Variants in AJM1 observed in about 807,000 individuals in gnomAD.
The protein encoded by AJM1 is apical junction component 1 homolog, also known as uncharacterized protein C9orf172.
In AJM1, 22 loss-of-function variants were observed where a neutral mutation model predicts 43.0. The ratio of observed to expected loss-of-function variants is 0.51; its 90% CI spans 0.37 to 0.73. AJM1 has a LOEUF of 0.73. AJM1 is among the 30% of genes least tolerant of loss of function. AJM1 has a pLI of 0.00. For synonymous variants in AJM1, 719 were observed against 638.3 expected (o/e 1.13, Z -1.91); for missense variants, 1,305 against 1,343.3 (o/e 0.97, Z 0.45).
intron 1 of AJM1, among the ~76,000 whole-genome samples, 138 bp downstream of exon 1, chr9:136,842,727 GGGCAA>G (rs914593733): frequency 4.6e-5 from 7 of 152,192 alleles, no homozygotes; most frequent in South Asian, 2.1e-4. Context: ...CTCCCAGCCA[GGGCAA>G]GGCAAGGCAA....
Position 136,845,745 on chromosome 9 carries a change from A to C in AJM1, c.1331A>C (p.His444Pro), listed in dbSNP as rs761015315. ...SPPRLATDSRHYSRSWDNILA... is the reference protein window; with the variant it reads ...SPPRLATDSRPYSRSWDNILA... ...CCCCGGCTGGCCACCGACAGCCGCC[A>C]CTACTCGCGCTCCTGGGACAACATT... The change falls in exon 3 of 3, where the codon CAC (histidine) becomes CCC (proline). Residue 444 changes from histidine (H) to proline (P), a missense_variant. This residue lies in a region of AJM1 where 653 missense variants were observed against 549.1 expected (regional missense o/e 1.19). Transcript: ENST00000436881. The C allele has an allele frequency of 1.3e-6, 2 of 1,578,164 alleles. No homozygotes were observed. Among genetic ancestry groups the C allele is most frequent in the Non-Finnish European group, 1.7e-6 (2 of 1,170,456 alleles).
At position 136,845,610 on chromosome 9, in the gene AJM1, C is replaced by T. The variant is rs763080457; in HGVS notation, c.1196C>T (p.Pro399Leu). The change falls in exon 3 of 3, where the codon CCG (proline) becomes CTG (leucine). Residue 399 changes from proline to leucine, a missense_variant. Pro to Leu is a moderately conservative substitution (Grantham distance 98, BLOSUM62 -3). Coordinates refer to ENST00000436881, the MANE Select transcript of AJM1 (RefSeq NM_001080482.5). ...ACGTACCCGCACCCGCGCAGCAGCC[C>T]GGCCTGGGCGGACTGGGGCCCGCGA... is the stretch of plus-strand genomic sequence containing the variant. ...ARTYPHPRSSPAWADWGPRPY... is the reference protein window; with the variant it reads ...ARTYPHPRSSLAWADWGPRPY... 8 of 1,581,130 alleles carry T rather than the reference C, an allele frequency of 5.1e-6. No homozygotes were observed. In the East Asian group the frequency reaches 9.2e-5, roughly 18 times the overall value.
In AJM1 at chr9:136,845,999, G is replaced by C. The variant is rs1848769373; in HGVS notation, c.1585G>C (p.Val529Leu). Reference sequence around the variant, plus strand: ...CGAGGGCCTGGGCCGCAACTGGTACGTGACGCCCGAGATCACCATCACTGA... The same window carrying C: ...CGAGGGCCTGGGCCGCAACTGGTACCTGACGCCCGAGATCACCATCACTGA... ...AGEGLGRNWY[V>L]TPEITITDND... The change falls in exon 3 of 3, where the codon GTG becomes CTG. Residue 529 changes from valine (V) to leucine (L), a missense_variant. Val to Leu is a conservative substitution (Grantham distance 32, BLOSUM62 1). Around this residue, in one of 6 missense-constraint regions of AJM1, gnomAD observed 653 missense variants for 549.1 expected, o/e 1.19. Coordinates refer to ENST00000436881, the MANE Select transcript of AJM1 (RefSeq NM_001080482.5). 3 of 1,551,538 alleles carry C rather than the reference G, an allele frequency of 1.9e-6. No homozygotes were observed. Among genetic ancestry groups the C allele is most frequent in the Non-Finnish European group, 1.7e-6 (2 of 1,149,236 alleles).
Position 136,846,099 on chromosome 9 carries a change from C to A in AJM1, c.1685C>A (p.Pro562His). 1.3e-6 allele frequency: 2 copies of A among 1,529,066 alleles called. No individual in the cohort carries two copies. The highest frequency in any genetic ancestry group is 1.8e-6 in the Non-Finnish European group (2 of 1,142,618). The allele number at this position is 1,529,066 out of a possible 1,614,324, so 94.7% of individuals were successfully genotyped here. Residue 562 changes from proline (P) to histidine (H), a missense_variant, in exon 3 of 3, where the codon CCC becomes CAC. Transcript: ENST00000436881. ...ELPGGRTRPP[P>H]HAAPDGPTSG... The stretch of plus-strand genomic sequence containing the variant: ...CCCGGGGGCCGCACGCGGCCACCTC[C>A]CCACGCGGCCCCCGACGGCCCCACC...
At position 136,842,597 on chromosome 9, in the gene AJM1, G is replaced by T. The variant is rs1564376615; in HGVS notation, c.-144+8G>T. Among the ~76,000 whole-genome samples, 1 of 152,232 alleles carries T rather than the reference G, an allele frequency of 6.6e-6. No homozygotes were observed. The highest frequency in any genetic ancestry group is 1.9e-4 in the East Asian group (1 of 5,196). On this transcript the variant is annotated splice_region_variant and intron_variant, in intron 1 of 2. Transcript: ENST00000436881. The stretch of plus-strand genomic sequence containing the variant: ...AGCCAGAGCAGCACCCAGGTAAGGG[G>T]CTAGGGGCCGAGTTGCTGAGTGTGT...
rs751281824 is a variant in AJM1 at position 136,847,301 on chromosome 9, C to T, written c.2887C>T (p.Leu963Phe). The T allele has an allele frequency of 1.2e-5, 19 of 1,546,890 alleles. No homozygotes were observed. The Admixed American group carries it at 3.1e-4, about 25-fold the overall frequency. The change falls in exon 3 of 3, where the codon CTC becomes TTC. Residue 963 changes from leucine to phenylalanine, a missense_variant. Physicochemically the swap from Leu to Phe is conservative, Grantham distance 22. Coordinates refer to ENST00000436881, the MANE Select transcript of AJM1 (RefSeq NM_001080482.5). ...MIMAASEPRA[L>F]DWVASANLLD... The stretch of plus-strand genomic sequence containing the variant: ...CATGGCCGCCTCCGAGCCGCGCGCG[C>T]TCGACTGGGTGGCCAGCGCCAACCT...
At position 136,846,978 on chromosome 9, in the gene AJM1, G is replaced by C. The variant is rs1848785459; in HGVS notation, c.2564G>C (p.Gly855Ala). ...RKFAKVALAA[G>A]SPARPPPARS... ...TTCGCCAAGGTAGCGCTGGCGGCCG[G>C]CAGCCCCGCGCGGCCGCCCCCGGCG... The change falls in exon 3 of 3, where the codon GGC becomes GCC. Residue 855 changes from glycine (G) to alanine (A), a missense_variant. This residue lies in a region of AJM1 where 391 missense variants were observed against 507.5 expected (regional missense o/e 0.77). Transcript: ENST00000436881. 8.1e-7 allele frequency: 1 copy of C among 1,241,042 alleles called. No individual in the cohort carries two copies. Among genetic ancestry groups the C allele is most frequent in the Non-Finnish European group, 1.1e-6 (1 of 948,462 alleles). The allele number at this position is 1,241,042 out of a possible 1,614,324, so 76.9% of individuals were successfully genotyped here. A position where few individuals can be genotyped will look rare whatever the true frequency, so the allele number is the denominator to read the frequency against.
chr9:136,846,056 G>C lies in AJM1; in HGVS notation c.1642G>C (p.Ala548Pro), dbSNP rs1176355640. ...NDLRATERPS[A>P]RAWELPGGRT... ...CCTGCGCGCCACCGAGCGCCCGAGC[G>C]CCAGGGCCTGGGAGTTGCCCGGGGG... is the stretch of plus-strand genomic sequence containing the variant. The change falls in exon 3 of 3, where the codon GCC (alanine) becomes CCC (proline). Residue 548 changes from alanine (A) to proline (P), a missense_variant. Coordinates refer to ENST00000436881, the MANE Select transcript of AJM1 (RefSeq NM_001080482.5). 8 of 1,539,656 alleles carry C rather than the reference G, an allele frequency of 5.2e-6. No individual in the cohort carries two copies. The highest frequency in any genetic ancestry group is 2.6e-6 in the Non-Finnish European group (3 of 1,144,960).
rs768005881 is a variant in AJM1 at position 136,846,784 on chromosome 9, G to A, written c.2370G>A (p.Ala790=). The change falls in exon 3 of 3, where the codon GCG becomes GCA. Residue 790 remains alanine, a synonymous_variant. Transcript: ENST00000436881. ...TGCGTGAGCTGGCCACACACGCGGC[G>A]CCCCTGGGCAGCTACGCGCGCGAGC... ...LSLRELATHA[A]PLGSYARELA... 10 of 1,593,116 alleles carry A rather than the reference G, an allele frequency of 6.3e-6. 1 individual carries two copies. The South Asian group carries it at 8.9e-5, about 14-fold the overall frequency.
At chr9:136,844,048 G>C (rs1431303871) in intron 1 of AJM1, among the ~76,000 whole-genome samples, 148 bp from the exon 2 acceptor site, 1 of 152,196 alleles carries the variant, frequency 6.6e-6, no homozygotes, top group Non-Finnish European at 1.5e-5. Context: ...ACTAGTCGGG[G>C]GAGGGGAGGC....
chr9:136,844,593 A>C lies in AJM1; in HGVS notation c.179A>C (p.Asp60Ala). 1 of 1,586,014 alleles carries C rather than the reference A, an allele frequency of 6.3e-7. No homozygotes were observed. The highest frequency in any genetic ancestry group is 8.6e-7 in the Non-Finnish European group (1 of 1,168,182). Reference protein sequence around the residue: ...CRSFDFLEALDGPAMETLPEP... With the variant: ...CRSFDFLEALAGPAMETLPEP... ...AGCTTCGACTTCCTGGAGGCGCTGG[A>C]CGGGCCGGCCATGGAGACCCTGCCG... The change falls in exon 3 of 3, where the codon GAC (aspartate) becomes GCC (alanine). Residue 60 changes from aspartate (D) to alanine (A), a missense_variant. By Grantham distance (126) the Asp-to-Ala change is moderately radical. Around this residue, in one of 6 missense-constraint regions of AJM1, gnomAD observed 128 missense variants for 120.6 expected, o/e 1.06. Coordinates refer to ENST00000436881, the MANE Select transcript of AJM1 (RefSeq NM_001080482.5).
Position 136,842,499 on chromosome 9 carries a change from C to T in AJM1, c.-234C>T, listed in dbSNP as rs1015305887. Among the ~76,000 whole-genome samples, 3 of 152,070 alleles carry T rather than the reference C, an allele frequency of 2.0e-5. No individual in the cohort carries two copies. The highest frequency in any genetic ancestry group is 7.3e-5 in the African/African-American group (3 of 41,306). The stretch of plus-strand genomic sequence containing the variant: ...CCGCGCTGCTGCCTGGAAGCTTCTG[C>T]CCGTGCCGGGGACGCAGCAGTGCCG... On this transcript the variant is annotated 5_prime_UTR_variant, in exon 1 of 3. Coordinates refer to ENST00000436881, the MANE Select transcript of AJM1 (RefSeq NM_001080482.5).
In AJM1 at chr9:136,846,095, C is replaced by T. The variant is rs1848771121; in HGVS notation, c.1681C>T (p.Pro561Ser). 1 of 1,529,154 alleles carries T rather than the reference C, an allele frequency of 6.5e-7. No homozygotes were observed. The highest frequency in any genetic ancestry group is 8.8e-7 in the Non-Finnish European group (1 of 1,142,538). The allele number at this position is 1,529,154 out of a possible 1,614,324, so 94.7% of individuals were successfully genotyped here. A position where few individuals can be genotyped will look rare whatever the true frequency, so the allele number is the denominator to read the frequency against. The change falls in exon 3 of 3, where the codon CCT (proline) becomes TCT (serine). Residue 561 changes from proline (P) to serine (S), a missense_variant. Around this residue, in one of 6 missense-constraint regions of AJM1, gnomAD observed 653 missense variants for 549.1 expected, o/e 1.19. Transcript: ENST00000436881. ...GTTGCCCGGGGGCCGCACGCGGCCA[C>T]CTCCCCACGCGGCCCCCGACGGCCC... is the stretch of plus-strand genomic sequence containing the variant. The part of the protein sequence containing the change: ...WELPGGRTRP[P>S]PHAAPDGPTS...
Position 136,846,814 on chromosome 9 carries a change from G to C in AJM1, c.2400G>C (p.Ala800=). ...APLGSYAREL[A]AAGRLYEPAE... ...TGGGCAGCTACGCGCGCGAGCTGGCGGCCGCTGGGCGCCTCTACGAACCGG... is the reference window on the plus strand; with the variant it reads ...TGGGCAGCTACGCGCGCGAGCTGGCCGCCGCTGGGCGCCTCTACGAACCGG... The change falls in exon 3 of 3, where the codon GCG becomes GCC. Residue 800 remains alanine, a synonymous_variant. Coordinates refer to ENST00000436881, the MANE Select transcript of AJM1 (RefSeq NM_001080482.5). 1 of 1,590,480 alleles carries C rather than the reference G, an allele frequency of 6.3e-7. No homozygotes were observed. The highest frequency in any genetic ancestry group is 8.5e-7 in the Non-Finnish European group (1 of 1,175,332).
At chr9:136,843,839 C>T (rs549883556) in intron 1 of AJM1, among the ~76,000 whole-genome samples, 5 of 152,210 alleles carry the variant, frequency 3.3e-5, no homozygotes, top group Non-Finnish European at 7.3e-5. Context: ...TTCCACTGTG[C>T]GCGATCGGAG....
chr9:136,846,124 C>G lies in AJM1; in HGVS notation c.1710C>G (p.Thr570=), dbSNP rs1235350554. 2.6e-6 allele frequency: 4 copies of G among 1,529,856 alleles called. No homozygotes were observed. The African/African-American group carries it at 4.2e-5, about 16-fold the overall frequency. The allele number at this position is 1,529,856 out of a possible 1,614,324, so 94.8% of individuals were successfully genotyped here. A position where few individuals can be genotyped will look rare whatever the true frequency, so the allele number is the denominator to read the frequency against. ...CCCACGCGGCCCCCGACGGCCCCAC[C>G]TCTGGCCGCCAGCGGAGCCTAGAGC... The part of the protein sequence containing the change: ...PPPHAAPDGP[T]SGRQRSLEQL... The change falls in exon 3 of 3, where the codon ACC becomes ACG. Residue 570 remains threonine (T), a synonymous_variant. Coordinates refer to ENST00000436881, the MANE Select transcript of AJM1 (RefSeq NM_001080482.5).
rs747028219 is a variant in AJM1 at position 136,846,029 on chromosome 9, G to A, written c.1615G>A (p.Asp539Asn). Residue 539 changes from aspartate (D) to asparagine (N), a missense_variant, in exon 3 of 3, where the codon GAC becomes AAC. Physicochemically the swap from Asp to Asn is conservative, Grantham distance 23. Coordinates refer to ENST00000436881, the MANE Select transcript of AJM1 (RefSeq NM_001080482.5). ...GCCCGAGATCACCATCACTGACAAT[G>A]ACCTGCGCGCCACCGAGCGCCCGAG... The part of the protein sequence containing the change: ...VTPEITITDN[D>N]LRATERPSAR... 1 of 1,546,038 alleles carries A rather than the reference G, an allele frequency of 6.5e-7. No homozygotes were observed. The highest frequency in any genetic ancestry group is 1.2e-5 in the South Asian group (1 of 84,042).
intron 1 of AJM1, among the ~76,000 whole-genome samples, 162 bp from the exon 2 acceptor site, chr9:136,844,034 C>G (rs967077037): frequency 1.3e-5 from 2 of 152,184 alleles, no homozygotes; most frequent in Non-Finnish European, 2.9e-5. Context: ...CCGACCCCGC[C>G]GTCACTAGTC....
Position 136,845,775 on chromosome 9 carries a change from C to T in AJM1, c.1361C>T (p.Ala454Val), listed in dbSNP as rs765793499. 8.3e-6 allele frequency: 13 copies of T among 1,574,896 alleles called. No individual in the cohort carries two copies. In the East Asian group the frequency reaches 2.6e-4, roughly 31 times the overall value. ...HYSRSWDNIL[A>V]PGPRREDPLG... Reference sequence around the variant, plus strand: ...TCGCGCTCCTGGGACAACATTCTGGCCCCGGGGCCGCGCCGAGAAGACCCG... The same window carrying T: ...TCGCGCTCCTGGGACAACATTCTGGTCCCGGGGCCGCGCCGAGAAGACCCG... Residue 454 changes from alanine (A) to valine (V), a missense_variant, in exon 3 of 3, where the codon GCC becomes GTC. Ala to Val is a moderately conservative substitution (Grantham distance 64, BLOSUM62 0). Transcript: ENST00000436881.
Sources: allele counts gnomAD v4.1 joint callset (sites outside exome capture counted in the v4.1 genomes callset), GRCh38; gene constraint gnomAD v4.1.1; regional missense constraint gnomAD v4.1.1; transcripts MANE v1.5; gene names NCBI Gene and HGNC (gene_info 2026-07-23, HGNC 2026-07-21).